The following ZFR variants were observed in gnomAD, a reference collection of about 807,000 sequenced individuals.
ZFR encodes zinc finger RNA-binding protein.
A neutral mutation model predicts 130.7 loss-of-function variants in ZFR; 19 were observed. That is an observed-to-expected ratio of 0.15 (90% confidence interval 0.10 to 0.21). ZFR has a LOEUF of 0.21. ZFR is among the 10% of genes least tolerant of loss of function. ZFR has a pLI of 1.00. For missense variants in ZFR, 872 were observed against 1,321.5 expected (o/e 0.66, Z 5.27); for synonymous variants, 466 against 456.9 (o/e 1.02, Z -0.25).
At chr5:32,421,529 A>G (rs1753957557) in intron 2 of ZFR, among the ~76,000 whole-genome samples, 1 of 152,196 alleles carries the variant, frequency 6.6e-6, no homozygotes, top group African/African-American at 2.4e-5. Context: ...ATCAATGTGA[A>G]GGTCAGAGAT....
chr5:32,441,442 A>G (rs1044111787), intron 2 of ZFR, among the ~76,000 whole-genome samples: 13 of 152,158 alleles, frequency 8.5e-5, no homozygotes, highest in African/African-American at 3.1e-4. Context: ...AAAGTCCCAC[A>G]GTAGGCCCTG....
At chr5:32,376,013 TTG>T (rs1284887663) in intron 17 of ZFR, among the ~76,000 whole-genome samples, 3 of 151,828 alleles carry the variant, frequency 2.0e-5, no homozygotes, top group African/African-American at 7.3e-5. Context: ...GGCTAATTTT[TTG>T]TGTTTTTAGT....
At chr5:32,443,437 C>T (rs1754515654) in intron 2 of ZFR, among the ~76,000 whole-genome samples, 1 of 152,262 alleles carries the variant, frequency 6.6e-6, no homozygotes. Context: ...GAAAGACCCC[C>T]GCAAGGAGAA....
intron 3 of ZFR, among the ~76,000 whole-genome samples, chr5:32,419,262 AACAG>A (rs1316463962): frequency 6.6e-6 from 1 of 152,260 alleles, no homozygotes; most frequent in African/African-American, 2.4e-5. Flanking sequence ...GAAAGTTTTT[AACAG>A]ACAGCTATAA....
chr5:32,407,091 T>A (rs1581701364), intron 5 of ZFR, 70 bp from the exon 6 acceptor site: 3 of 1,256,618 alleles, frequency 2.4e-6, no homozygotes. Flanking sequence ...TTTACAAATT[T>A]AAATTAAATT....
chr5:32,397,450 C>G, intron 9 of ZFR, 112 bp from the exon 10 acceptor site: 1 of 1,359,980 alleles, frequency 7.4e-7, no homozygotes, highest in Non-Finnish European at 1.0e-6. Context: ...GTGGCAATGT[C>G]TATTACATTT....
intron 1 of ZFR, 105 bp downstream of exon 1, chr5:32,444,517 G>T: frequency 2.2e-6 from 3 of 1,348,656 alleles, no homozygotes; most frequent in Non-Finnish European, 1.9e-6. Flanking sequence ...CCCGGGTGGC[G>T]GCCGCCGCCT....
At chr5:32,380,617 AG>A (rs1258897872) in intron 15 of ZFR, among the ~76,000 whole-genome samples, 1 of 151,360 alleles carries the variant, frequency 6.6e-6, no homozygotes, top group Non-Finnish European at 1.5e-5. Context: ...TTACAGTTAT[AG>A]GAAAAAAATG....
intron 11 of ZFR, among the ~76,000 whole-genome samples, chr5:32,391,761 T>A (rs1336256189): frequency 1.3e-5 from 2 of 152,026 alleles, no homozygotes; most frequent in Non-Finnish European, 2.9e-5. Flanking sequence ...GAATAAGCAG[T>A]GCTTTTTTTT....
At chr5:32,391,062 T>C (rs925937674) in intron 11 of ZFR, among the ~76,000 whole-genome samples, 1 of 152,222 alleles carries the variant, frequency 6.6e-6, no homozygotes. Flanking sequence ...AACCACAGTA[T>C]ACAAATATAG....
chr5:32,433,552 C>T (rs1754266959), intron 2 of ZFR, among the ~76,000 whole-genome samples: 1 of 152,152 alleles, frequency 6.6e-6, no homozygotes, highest in Non-Finnish European at 1.5e-5. Context: ...AAAATACAAT[C>T]CATAAAAATT....
intron 17 of ZFR, among the ~76,000 whole-genome samples, chr5:32,373,127 G>A (rs1447961957): frequency 6.6e-6 from 1 of 152,172 alleles, no homozygotes; most frequent in African/African-American, 2.4e-5. Context: ...GGGTGCCGTG[G>A]CTCACGCCTG....
intron 19 of ZFR, among the ~76,000 whole-genome samples, chr5:32,360,990 A>T (rs542500120): frequency 2.0e-4 from 30 of 152,230 alleles, no homozygotes; most frequent in South Asian, 8.3e-4. Flanking sequence ...AATTAAAAAA[A>T]TTTTTTATAG....
chr5:32,378,901 AAAC>A (rs1463239895), intron 17 of ZFR, among the ~76,000 whole-genome samples: 1 of 152,100 alleles, frequency 6.6e-6, no homozygotes, highest in African/African-American at 2.4e-5. Flanking sequence ...AAAAAGAAAA[AAAC>A]ACACAAAGAG....
intron 17 of ZFR, among the ~76,000 whole-genome samples, chr5:32,366,339 G>C (rs1051362345): frequency 6.6e-6 from 1 of 152,202 alleles, no homozygotes; most frequent in Non-Finnish European, 1.5e-5. Context: ...TAAGTAATCA[G>C]CTACAGTTCA....
At chr5:32,400,639 A>T (rs1213213452) in intron 8 of ZFR, among the ~76,000 whole-genome samples, 1 of 152,172 alleles carries the variant, frequency 6.6e-6, no homozygotes, top group African/African-American at 2.4e-5. Context: ...ACTTGAGCCC[A>T]GGAGTTTGAG....
In ZFR at chr5:32,388,539, C is replaced by A; in HGVS notation, c.2278G>T (p.Asp760Tyr). Reference sequence around the variant, plus strand: ...TTCTTCTCATGTTCAGACAAACTGTCTGAAACGAGTTTTAAAGCACGTTCA... The same window carrying A: ...TTCTTCTCATGTTCAGACAAACTGTATGAAACGAGTTTTAAAGCACGTTCA... The part of the protein sequence containing the change: ...ITERALKLVS[D>Y]SLSEHEKNKN... The change falls in exon 13 of 20, where the codon GAC becomes TAC. Residue 760 changes from aspartate to tyrosine, a missense_variant. Transcript: ENST00000265069. 2 of 1,614,030 alleles carry A rather than the reference C, an allele frequency of 1.2e-6. No individual in the cohort carries two copies. Among genetic ancestry groups the A allele is most frequent in the South Asian group, 1.1e-5 (1 of 91,072 alleles).
At chr5:32,435,067 T>A (rs1009815568) in intron 2 of ZFR, among the ~76,000 whole-genome samples, 2 of 152,042 alleles carry the variant, frequency 1.3e-5, no homozygotes, top group African/African-American at 4.8e-5. Context: ...CACAGGTGTA[T>A]ACCATGATGG....
Position 32,400,190 on chromosome 5 carries a change from C to A in ZFR, c.1530G>T (p.Leu510=). ...CTTCTGCTTTATTTCCTGTTGACTG[C>A]AGCTTATTACCACCTAGAAAAGTAT... ...PKINFVGGNK[L]QSTGNKAEDI... is the part of the protein sequence containing the mutation. The change falls in exon 9 of 20, where the codon CTG becomes CTT. Residue 510 remains leucine (L), a synonymous_variant. Transcript: ENST00000265069. The A allele has an allele frequency of 6.2e-7, 1 of 1,601,918 alleles. No individual in the cohort carries two copies. The highest frequency in any genetic ancestry group is 8.5e-7 in the Non-Finnish European group (1 of 1,174,234).
Sources: allele counts gnomAD v4.1 joint callset (sites outside exome capture counted in the v4.1 genomes callset), GRCh38; gene constraint gnomAD v4.1.1; transcripts MANE v1.5; gene names NCBI Gene and HGNC (gene_info 2026-07-23, HGNC 2026-07-21).